The following CRISP2 variants were observed in gnomAD, a reference collection of about 807,000 sequenced individuals.
CRISP2 encodes the protein cysteine rich secretory protein 2, also known as cysteine-rich secretory protein 2.
Under a neutral mutation model 31.7 loss-of-function variants are expected in CRISP2, and 29 were observed. The observed-to-expected ratio is 0.92, with a 90% CI of 0.68 to 1.25. The LOEUF (loss-of-function observed/expected upper bound fraction) is 1.25. CRISP2 is among the 50% of genes most tolerant of loss of function. CRISP2 has a pLI of 0.00. For missense variants in CRISP2, 318 were observed against 286.5 expected (o/e 1.11, Z -0.79); for synonymous variants, 111 against 101.4 (o/e 1.09, Z -0.57).
At chr6:49,677,920 C>T in the CRISP2 span, among the ~76,000 whole-genome samples, 3 of 152,048 alleles carry the variant, frequency 2.0e-5, no homozygotes, top group Admixed American at 6.6e-5. Context: ...GATATGATCA[C>T]TGATACTGGA....
At chr6:49,711,821 T>C (rs1582159996) in intron 2 of CRISP2, among the ~76,000 whole-genome samples, 2 of 152,224 alleles carry the variant, frequency 1.3e-5, no homozygotes, top group Admixed American at 1.3e-4. Context: ...ATGTAAAATG[T>C]AGATTTTTAT....
the CRISP2 span, among the ~76,000 whole-genome samples, chr6:49,683,977 C>T: frequency 6.6e-6 from 1 of 151,798 alleles, no homozygotes; most frequent in East Asian, 1.9e-4. Flanking sequence ...TGTGGTAGTG[C>T]TTAAAAGTAT....
At chr6:49,707,007 A>G (rs1767146379) in intron 4 of CRISP2, among the ~76,000 whole-genome samples, 1 of 152,096 alleles carries the variant, frequency 6.6e-6, no homozygotes, top group East Asian at 1.9e-4. Flanking sequence ...TCTCGACCTA[A>G]AAAAATCTGG....
At chr6:49,680,244 A>G in the CRISP2 span, among the ~76,000 whole-genome samples, 2 of 152,114 alleles carry the variant, frequency 1.3e-5, no homozygotes, top group African/African-American at 2.4e-5. Flanking sequence ...AAGTGAGAAT[A>G]TGTGGTGTTT....
intron 4 of CRISP2, among the ~76,000 whole-genome samples, chr6:49,704,567 C>T (rs1472036742): frequency 3.3e-5 from 5 of 152,142 alleles, no homozygotes; most frequent in South Asian, 2.1e-4. Context: ...CCCCCTTCTC[C>T]TAGAGATGGG....
At chr6:49,701,618 A>ATACATTATATATG (rs1157091421) in intron 4 of CRISP2, among the ~76,000 whole-genome samples, 526 of 48,610 alleles carry the variant, frequency 0.011, 66 homozygotes, top group South Asian at 0.018. Flanking sequence ...CGGTATATAT[A>ATACATTATATATG]TATACATTAT....
At chr6:49,708,400 TGTAATTAA>T (rs1767433268) in intron 4 of CRISP2, among the ~76,000 whole-genome samples, 1 of 152,248 alleles carries the variant, frequency 6.6e-6, no homozygotes, top group Non-Finnish European at 1.5e-5. Flanking sequence ...TCTTCGCAGA[TGTAATTAA>T]GTTCAGGATC....
the CRISP2 span, among the ~76,000 whole-genome samples, chr6:49,683,220 A>G: frequency 4.6e-5 from 7 of 151,612 alleles, no homozygotes; most frequent in South Asian, 1.5e-3. Context: ...AGTGTATACA[A>G]TACAGCACAC....
intron 4 of CRISP2, among the ~76,000 whole-genome samples, chr6:49,708,788 C>T (rs574025877): frequency 1.3e-5 from 2 of 152,324 alleles, no homozygotes; most frequent in South Asian, 4.1e-4. Flanking sequence ...ATTATCATTT[C>T]ATCATGGATG....
the CRISP2 span, among the ~76,000 whole-genome samples, chr6:49,679,898 T>G: frequency 6.6e-6 from 1 of 151,832 alleles, no homozygotes; most frequent in South Asian, 2.1e-4. Context: ...TAGAGACAGG[T>G]TTTCACGATG....
chr6:49,697,062 G>A (rs184572529), intron 8 of CRISP2, among the ~76,000 whole-genome samples: 14 of 152,174 alleles, frequency 9.2e-5, no homozygotes, highest in Admixed American at 3.3e-4. Context: ...AACTGGAATC[G>A]TACATCATCT....
intron 1 of CRISP2, 118 bp from the exon 2 acceptor site, chr6:49,712,722 T>G (rs764096224): frequency 6.6e-6 from 1 of 152,218 alleles, no homozygotes; most frequent in Admixed American, 6.5e-5. Flanking sequence ...TTGTTTCTAA[T>G]AATTTACTGT....
At chr6:49,680,710 G>A in the CRISP2 span, among the ~76,000 whole-genome samples, 5 of 152,092 alleles carry the variant, frequency 3.3e-5, no homozygotes, top group African/African-American at 4.8e-5. Context: ...GGTGTGAGAC[G>A]GTCTCTCATT....
intron 8 of CRISP2, 101 bp downstream of exon 8, chr6:49,697,759 T>G (rs759789452): frequency 6.3e-7 from 1 of 1,592,528 alleles, no homozygotes; most frequent in Non-Finnish European, 8.6e-7. Context: ...TCCCCTCCCT[T>G]TTATTGAGAT....
intron 4 of CRISP2, among the ~76,000 whole-genome samples, chr6:49,706,368 T>C (rs905402555): frequency 5.3e-5 from 8 of 152,184 alleles, no homozygotes; most frequent in African/African-American, 4.8e-5. Flanking sequence ...AAAAGATAAC[T>C]TTGTAAAACT....
In CRISP2 at chr6:49,699,846, T is replaced by G; in HGVS notation, c.229A>C (p.Lys77Gln). The change falls in exon 6 of 10, where the codon AAG becomes CAG. Residue 77 changes from lysine (K) to glutamine (Q), a missense_variant. By Grantham distance (53) the Lys-to-Gln change is moderately conservative (BLOSUM62 1). Coordinates refer to ENST00000339139, the MANE Select transcript of CRISP2 (RefSeq NM_003296.4). Reference sequence around the variant, plus strand: ...GGATCACTATGTTGTAAAGTGCACTTGTTTGCCCACCTTTGGGCATTCGTT... The same window carrying G: ...GGATCACTATGTTGTAAAGTGCACTGGTTTGCCCACCTTTGGGCATTCGTT... ...VTTNAQRWAN[K>Q]CTLQHSDPED... 1 of 1,612,762 alleles carries G rather than the reference T, an allele frequency of 6.2e-7. No homozygotes were observed. Among genetic ancestry groups the G allele is most frequent in the Non-Finnish European group, 8.5e-7 (1 of 1,179,196 alleles).
chr6:49,709,869 A>G (rs1767697987), intron 3 of CRISP2, among the ~76,000 whole-genome samples: 1 of 152,208 alleles, frequency 6.6e-6, no homozygotes, highest in Non-Finnish European at 1.5e-5. Context: ...ATTATTTGGT[A>G]AGAAGATTGT....
At chr6:49,687,605 G>A (rs1184029645), downstream of CRISP2, among the ~76,000 whole-genome samples, 1 of 152,212 alleles carries the variant, frequency 6.6e-6, no homozygotes, top group African/African-American at 2.4e-5. Context: ...AACTGCTGGA[G>A]TTGGGATTAC....
At chr6:49,710,129 C>G (rs576942904) in intron 3 of CRISP2, among the ~76,000 whole-genome samples, 2 of 152,170 alleles carry the variant, frequency 1.3e-5, no homozygotes, top group South Asian at 2.1e-4. Context: ...AAATTCCGAA[C>G]AATTTATCTG....
Sources: allele counts gnomAD v4.1 joint callset (sites outside exome capture counted in the v4.1 genomes callset), GRCh38; gene constraint gnomAD v4.1.1; transcripts MANE v1.5; gene names NCBI Gene and HGNC (gene_info 2026-07-23, HGNC 2026-07-21).